FAM124B: variants seen among roughly 807,000 people sequenced by gnomAD.
The protein encoded by FAM124B is family with sequence similarity 124 member B, also known as protein FAM124B.
In FAM124B, 18 loss-of-function variants were observed where a neutral mutation model predicts 19.7. The ratio of observed to expected loss-of-function variants is 0.92; its 90% CI spans 0.63 to 1.36. The LOEUF (loss-of-function observed/expected upper bound fraction) is 1.36, where lower values mean the gene tolerates loss of function less well. FAM124B is among the 40% of genes most tolerant of loss of function. The pLI is 0.00. For synonymous variants in FAM124B, 223 were observed against 225.2 expected, an observed-to-expected ratio of 0.99 and a Z score of 0.09; for missense variants, 540 against 553.3, an observed-to-expected ratio of 0.98 and a Z score of 0.24.
At chr2:224,389,285 G>A (rs1689845046) in intron 1 of FAM124B, among the ~76,000 whole-genome samples, 1 of 152,170 alleles carries the variant, frequency 6.6e-6, no homozygotes, top group Non-Finnish European at 1.5e-5. Flanking sequence ...AAGCCAGGCA[G>A]GGGCATTTTA....
intron 1 of FAM124B, chr2:224,400,410 G>T: frequency 1.4e-6 from 1 of 692,996 alleles, no homozygotes; most frequent in South Asian, 1.5e-5. Context: ...GGAGGCTAAG[G>T]CAGGAGGATC....
intron 1 of FAM124B, among the ~76,000 whole-genome samples, chr2:224,387,924 T>C (rs1689824789): frequency 6.6e-6 from 1 of 152,196 alleles, no homozygotes; most frequent in Non-Finnish European, 1.5e-5. Flanking sequence ...GAAACAAACA[T>C]AGCTAAATAT....
chr2:224,392,195 A>G (rs1689898669), intron 1 of FAM124B, among the ~76,000 whole-genome samples: 1 of 152,140 alleles, frequency 6.6e-6, no homozygotes, highest in Admixed American at 6.5e-5. Context: ...CTGTTATCAC[A>G]GTACTTTGAG....
intron 1 of FAM124B, among the ~76,000 whole-genome samples, chr2:224,394,219 C>A (rs1689933591): frequency 6.6e-6 from 1 of 152,138 alleles, no homozygotes; most frequent in Admixed American, 6.5e-5. Flanking sequence ...TCTACACTCT[C>A]TTCCTTGGTA....
At chr2:224,388,919 G>A (rs1311029743) in intron 1 of FAM124B, among the ~76,000 whole-genome samples, 3 of 152,028 alleles carry the variant, frequency 2.0e-5, no homozygotes, top group Non-Finnish European at 2.9e-5. Flanking sequence ...GAAGTGAGGC[G>A]GCAAAGGGAG....
At chr2:224,392,762 A>AG (rs536304247) in intron 1 of FAM124B, among the ~76,000 whole-genome samples, 103 of 151,988 alleles carry the variant, frequency 6.8e-4, no homozygotes, top group African/African-American at 2.4e-3. Context: ...CTCAAAAAAA[A>AG]AAAACAACAG....
chr2:224,389,235 A>G (rs1332368802), intron 1 of FAM124B, among the ~76,000 whole-genome samples: 1 of 152,214 alleles, frequency 6.6e-6, no homozygotes, highest in Non-Finnish European at 1.5e-5. Context: ...ACTGGCCTGC[A>G]AAGGGAGATT....
chr2:224,397,313 C>G (rs1049704646), intron 1 of FAM124B, among the ~76,000 whole-genome samples: 1 of 152,164 alleles, frequency 6.6e-6, no homozygotes, highest in Non-Finnish European at 1.5e-5. Context: ...ATGTGACTTG[C>G]TCCTCTTTGC....
At chr2:224,382,213 C>T (rs1210496660) in intron 1 of FAM124B, among the ~76,000 whole-genome samples, 2 of 152,204 alleles carry the variant, frequency 1.3e-5, no homozygotes, top group Non-Finnish European at 2.9e-5. Flanking sequence ...TCCAACTCTG[C>T]TGCAGAGCAG....
intron 1 of FAM124B, among the ~76,000 whole-genome samples, chr2:224,386,625 C>T (rs1033390870): frequency 6.6e-6 from 1 of 152,186 alleles, no homozygotes; most frequent in Admixed American, 6.5e-5. Context: ...TCTGAGTACT[C>T]GCCATGCCAT....
At position 224,387,812 on chromosome 2, in the gene FAM124B, G is replaced by A. The variant is rs1689822561; in HGVS notation, c.733-7604C>T. On this transcript the variant is annotated intron_variant, in intron 1 of 1. Transcript: ENST00000409685. ...AGTGTACAGCTGAGAGACTCAGAAA[G>A]GAGAACATGGAGCCCTCAAGAAATG... Among the ~76,000 whole-genome samples the A allele has an allele frequency of 2.0e-5, 3 of 152,284 alleles. No individual in the cohort carries two copies. In the South Asian group the frequency reaches 6.2e-4, roughly 32 times the overall value.
intron 1 of FAM124B, among the ~76,000 whole-genome samples, chr2:224,388,572 C>T (rs115243555): frequency 0.021 from 3,239 of 152,152 alleles, 107 homozygotes; most frequent in African/African-American, 0.073. Context: ...CAGGGGACAA[C>T]GGTGAGTTTG....
In FAM124B at chr2:224,382,070, G is replaced by A. The variant is rs371305179; in HGVS notation, c.733-1862C>T. ...ATGGTGAGGTGCATATTACCAAGCT[G>A]CAAAAACAAACACACAAAAAAACAA... On this transcript the variant is annotated intron_variant, in intron 1 of 1. Coordinates refer to ENST00000409685, the MANE Select transcript of FAM124B (RefSeq NM_001122779.2). 5.3e-5 allele frequency among the ~76,000 whole-genome samples: 8 copies of A among 152,164 alleles called. No homozygotes were observed. In the East Asian group the frequency reaches 1.5e-3, roughly 29 times the overall value.
In FAM124B at chr2:224,379,638, A is replaced by G. The variant is rs1164680802; in HGVS notation, c.1303T>C (p.Cys435Arg). 2.6e-6 allele frequency: 4 copies of G among 1,551,322 alleles called. No individual in the cohort carries two copies. In the African/African-American group the frequency reaches 5.5e-5, roughly 21 times the overall value. The change falls in exon 2 of 2, where the codon TGT becomes CGT. Residue 435 changes from cysteine (C) to arginine (R), a missense_variant. Transcript: ENST00000409685. ...DLGTRKTISE[C>R]LLHLQVQGEE... Reference sequence around the variant, plus strand: ...CCCTGAACTTGCAGATGAAGGAGACATTCTGAAATTGTCTTCCTGGTACCA... The same window carrying G: ...CCCTGAACTTGCAGATGAAGGAGACGTTCTGAAATTGTCTTCCTGGTACCA...
At chr2:224,388,548 GAGGTTACCA>G (rs552899682) in intron 1 of FAM124B, among the ~76,000 whole-genome samples, 82 of 152,268 alleles carry the variant, frequency 5.4e-4, no homozygotes, top group African/African-American at 1.9e-3. Flanking sequence ...AAGTAGAATC[GAGGTTACCA>G]AGGGCAGGGG....
At chr2:224,388,900 G>T (rs1689839318) in intron 1 of FAM124B, among the ~76,000 whole-genome samples, 1 of 152,138 alleles carries the variant, frequency 6.6e-6, no homozygotes. Context: ...AGAAGGCTGG[G>T]ATGGTGAAGA....
chr2:224,401,905 C>G lies in FAM124B; in HGVS notation c.-137G>C. 9.6e-7 allele frequency: 1 copy of G among 1,038,224 alleles called. No homozygotes were observed. Among genetic ancestry groups the G allele is most frequent in the Non-Finnish European group, 1.4e-6 (1 of 725,638 alleles). 64.3% of individuals were successfully genotyped at this position (1,038,224 alleles called of 1,614,324 possible). On this transcript the variant is annotated 5_prime_UTR_variant, in exon 1 of 2. Transcript: ENST00000409685. ...CTGCAGCGGCTACTTCTGAGCAGAG[C>G]TCTTAACCAGACTAACACGTGCTCC...
intron 1 of FAM124B, among the ~76,000 whole-genome samples, chr2:224,385,852 C>T (rs961009472): frequency 6.6e-6 from 1 of 152,184 alleles, no homozygotes; most frequent in Non-Finnish European, 1.5e-5. Context: ...CGCTGACATT[C>T]CACTCTCTCT....
In FAM124B at chr2:224,401,852, A is replaced by T. The variant is rs1690081119; in HGVS notation, c.-84T>A. 1 of 1,482,288 alleles carries T rather than the reference A, an allele frequency of 6.7e-7. No individual in the cohort carries two copies. The highest frequency in any genetic ancestry group is 9.1e-7 in the Non-Finnish European group (1 of 1,102,894). The allele number at this position is 1,482,288 out of a possible 1,614,324, so 91.8% of individuals were successfully genotyped here. On this transcript the variant is annotated 5_prime_UTR_variant, in exon 1 of 2. Coordinates refer to ENST00000409685, the MANE Select transcript of FAM124B (RefSeq NM_001122779.2). ...TCTGAAATGAATGAAGAAGCGGCCC[A>T]GCCTTCAGCCCGCCTGAAAACCTTC...
Sources: gnomAD v4.1 joint callset for allele counts (sites outside exome capture counted in the v4.1 genomes callset) on GRCh38, gnomAD v4.1.1 for gene constraint, MANE v1.5 for transcripts, NCBI Gene and HGNC (gene_info 2026-07-23, HGNC 2026-07-21) for gene names.